Variants in NPLOC4 observed in about 807,000 individuals in gnomAD.
NPLOC4 encodes NPL4 homolog, ubiquitin recognition factor.
NPLOC4 carries 18 observed loss-of-function variants against 80.6 expected under a neutral mutation model. That is an observed-to-expected ratio of 0.22 (90% CI 0.15 to 0.33). The LOEUF (loss-of-function observed/expected upper bound fraction) is 0.33. Among genes scored for constraint, NPLOC4 ranks in the 10% least tolerant of loss-of-function variants. NPLOC4 has a pLI of 1.00. For synonymous variants in NPLOC4, 313 were observed against 301.5 expected (o/e 1.04, Z -0.39); for missense variants, 540 against 786.1 (o/e 0.69, Z 3.74).
At chr17:81,620,963 C>T (rs2035646986) in intron 3 of NPLOC4, among the ~76,000 whole-genome samples, 1 of 151,870 alleles carries the variant, frequency 6.6e-6, no homozygotes, top group Admixed American at 6.6e-5. Context: ...GTCGAGGCTG[C>T]AGTGAGCTAC....
At chr17:81,614,677 CAG>C (rs1241652946) in intron 3 of NPLOC4, among the ~76,000 whole-genome samples, 3 of 151,664 alleles carry the variant, frequency 2.0e-5, no homozygotes, top group Non-Finnish European at 4.4e-5. Flanking sequence ...TTCCCTTGGT[CAG>C]AGTCACGCTG....
intron 12 of NPLOC4, chr17:81,573,588 C>T (rs766178333): frequency 5.9e-5 from 9 of 152,170 alleles, no homozygotes; most frequent in Non-Finnish European, 8.8e-5. Context: ...CACTATTGTA[C>T]TTGACTAGTC....
chr17:81,616,190 G>A (rs867085925), intron 3 of NPLOC4, among the ~76,000 whole-genome samples: 82 of 151,278 alleles, frequency 5.4e-4, no homozygotes, highest in Admixed American at 1.3e-3. Flanking sequence ...GGGTGGTGGC[G>A]GGCACCTGTA....
rs2034039956 is a variant in NPLOC4 at position 81,567,362 on chromosome 17, T to C, written c.1566+55A>G. ...GAGGAAAGAAAGCAAGACACAGGCG[T>C]CTCTTTGCAGCCAAAGCCCACTTGC... On this transcript the variant is annotated intron_variant, in intron 15 of 16. Coordinates refer to ENST00000331134, the MANE Select transcript of NPLOC4 (RefSeq NM_017921.4). The surrounding 1 kb of genome is among the most constrained non-coding windows in gnomAD (Gnocchi z 4.5). 3 of 1,063,382 alleles carry C rather than the reference T, an allele frequency of 2.8e-6. No homozygotes were observed. The East Asian group carries it at 7.3e-5, about 26-fold the overall frequency. The allele number at this position is 1,063,382 out of a possible 1,614,324, so 65.9% of individuals were successfully genotyped here.
chr17:81,579,824 G>A (rs4078371), intron 12 of NPLOC4, among the ~76,000 whole-genome samples: 1 of 151,794 alleles, frequency 6.6e-6, no homozygotes, highest in Non-Finnish European at 1.5e-5. Flanking sequence ...TGCTCTCCCT[G>A]GCAGTGAAAC....
In NPLOC4 at chr17:81,610,193, TC is replaced by T. The variant is rs766481491; in HGVS notation, c.435+16del. On this transcript the variant is annotated intron_variant, in intron 5 of 16. Transcript: ENST00000331134. ...CCCCCCACACTGGCCCAGAACTTAC[TC>T]CGCAGAGACTCTCACCTCTAGAGGG... 1.3e-5 allele frequency: 20 copies of T among 1,566,100 alleles called. No individual in the cohort carries two copies. Among genetic ancestry groups the T allele is most frequent in the Admixed American group, 1.9e-5 (1 of 52,536 alleles).
Position 81,600,323 on chromosome 17 carries a change from TG to T in NPLOC4, c.921+17del. 8.1e-6 allele frequency: 13 copies of T among 1,596,668 alleles called. No homozygotes were observed. The highest frequency in any genetic ancestry group is 1.0e-5 in the Non-Finnish European group (12 of 1,170,266). On this transcript the variant is annotated intron_variant, in intron 9 of 16. Coordinates refer to ENST00000331134, the MANE Select transcript of NPLOC4 (RefSeq NM_017921.4). ...AGCCTGGCCACGCCCCCTGCTTGGCTGCCGGATGCCTCAGTACCTTCCGCAG... is the reference window on the plus strand; with the variant it reads ...AGCCTGGCCACGCCCCCTGCTTGGCTCCGGATGCCTCAGTACCTTCCGCAG...
chr17:81,608,636 T>G, intron 6 of NPLOC4, 92 bp downstream of exon 6: 1 of 862,276 alleles, frequency 1.2e-6, no homozygotes, highest in Non-Finnish European at 1.9e-6. Context: ...CATCTTTACT[T>G]CTCTCATTCA....
intron 12 of NPLOC4, among the ~76,000 whole-genome samples, chr17:81,581,813 G>A (rs144736151): frequency 3.3e-5 from 5 of 152,122 alleles, no homozygotes; most frequent in South Asian, 2.1e-4. Context: ...CAGAAGGGTC[G>A]TAGCCTGCCA....
At chr17:81,571,856 C>G (rs2034169479) in intron 13 of NPLOC4, among the ~76,000 whole-genome samples, 161 bp downstream of exon 13, 1 of 152,100 alleles carries the variant, frequency 6.6e-6, no homozygotes, top group Non-Finnish European at 1.5e-5. Flanking sequence ...CTCAGTGATT[C>G]TACAACCACC....
intron 15 of NPLOC4, among the ~76,000 whole-genome samples, chr17:81,566,195 G>A (rs2034007145): frequency 6.6e-6 from 1 of 152,178 alleles, no homozygotes; most frequent in Admixed American, 6.5e-5. Context: ...AGACAGGCGT[G>A]GTTGCGGGCA....
rs1441648535 is a variant in NPLOC4, at chr17:81,588,968, C to G, written c.1257G>C (p.Gln419His). 1 of 1,613,850 alleles carries G rather than the reference C, an allele frequency of 6.2e-7. No homozygotes were observed. Among genetic ancestry groups the G allele is most frequent in the South Asian group, 1.1e-5 (1 of 91,076 alleles). ...CCTTATAAAACACATCAGGCACGTA[C>G]TGCTCACTGCTAGACTCCTTGGCGT... is the stretch of plus-strand genomic sequence containing the variant. ...LGYAKESSSE[Q>H]YVPDVFYKDV... Residue 419 changes from glutamine to histidine, a missense_variant, in exon 12 of 17, where the codon CAG becomes CAC. Transcript: ENST00000331134.
intron 9 of NPLOC4, among the ~76,000 whole-genome samples, chr17:81,599,190 G>A (rs1003816350): frequency 1.3e-5 from 2 of 151,976 alleles, no homozygotes; most frequent in Non-Finnish European, 2.9e-5. Context: ...TTGGGAGGCT[G>A]AGGCAGGAGA....
chr17:81,582,056 A>T (rs908926321), intron 12 of NPLOC4, among the ~76,000 whole-genome samples: 21 of 152,108 alleles, frequency 1.4e-4, no homozygotes, highest in African/African-American at 5.1e-4. Context: ...ACCAAAGAAC[A>T]CCCGAGGGGC....
At chr17:81,621,619 A>C (rs1386986048) in intron 3 of NPLOC4, among the ~76,000 whole-genome samples, 1 of 152,234 alleles carries the variant, frequency 6.6e-6, no homozygotes, top group Non-Finnish European at 1.5e-5. Context: ...CTCACGGTCT[A>C]TCACAACTAA....
rs1429681257 is a variant in NPLOC4, at chr17:81,559,222, G to C, written c.*37C>G. On this transcript the variant is annotated 3_prime_UTR_variant, in exon 17 of 17. Transcript: ENST00000331134. The stretch of plus-strand genomic sequence containing the variant: ...ACGCTTCTGGCTTCAGGAAGGGCTG[G>C]GCTGGGCCCGGTCCTAGCCAGCAGA... 6.4e-7 allele frequency: 1 copy of C among 1,563,316 alleles called. No homozygotes were observed. The highest frequency in any genetic ancestry group is 2.1e-4 in the Middle Eastern group (1 of 4,744).
At chr17:81,600,234 G>C in intron 9 of NPLOC4, 107 bp downstream of exon 9, 2 of 742,866 alleles carry the variant, frequency 2.7e-6, no homozygotes, top group Non-Finnish European at 4.7e-6. Flanking sequence ...TGCAGCCGGA[G>C]AGAGCCAGTA....
intron 3 of NPLOC4, among the ~76,000 whole-genome samples, chr17:81,619,508 C>T (rs2035604332): frequency 6.7e-6 from 1 of 150,084 alleles, no homozygotes; most frequent in African/African-American, 2.5e-5. Flanking sequence ...TGAGACCATG[C>T]CACTGCACTC....
intron 16 of NPLOC4, chr17:81,565,006 A>C (rs940451245): frequency 3.9e-5 from 15 of 384,916 alleles, no homozygotes; most frequent in Non-Finnish European, 6.1e-5. Flanking sequence ...ACGAGTGGGG[A>C]ATCGTTCAGG....
Sources: allele counts gnomAD v4.1 joint callset (sites outside exome capture counted in the v4.1 genomes callset), GRCh38; gene constraint gnomAD v4.1.1; non-coding constraint Gnocchi (gnomAD v3.1); transcripts MANE v1.5; gene names NCBI Gene and HGNC (gene_info 2026-07-23, HGNC 2026-07-21).